Variants in IL1RAPL2 observed in about 807,000 individuals in gnomAD.
IL1RAPL2 encodes the protein interleukin 1 receptor accessory protein like 2.
IL1RAPL2 carries 3 observed loss-of-function variants against 44.1 expected under a neutral mutation model. The ratio of observed to expected loss-of-function variants is 0.07; its 90% confidence interval spans 0.03 to 0.18. The LOEUF (loss-of-function observed/expected upper bound fraction) is 0.18. Among genes scored for constraint, IL1RAPL2 ranks in the 10% least tolerant of loss-of-function variants. The pLI is 1.00. For missense variants in IL1RAPL2, 391 were observed against 496.4 expected (o/e 0.79, Z 2.02); for synonymous variants, 181 against 178.8 (o/e 1.01, Z -0.10).
At chrX:104,657,721 T>C (rs1023229726) in intron 1 of IL1RAPL2, among the ~76,000 whole-genome samples, 1 of 111,217 alleles carries the variant, frequency 9.0e-6, no homozygotes, top group African/African-American at 3.3e-5. Flanking sequence ...GTAATCTACC[T>C]GTTTAACAAA....
intron 6 of IL1RAPL2, among the ~76,000 whole-genome samples, chrX:105,609,975 C>A (rs1248427150): frequency 8.9e-6 from 1 of 111,997 alleles, no homozygotes; most frequent in African/African-American, 3.2e-5. Flanking sequence ...TTGATAGATT[C>A]ATTCCATCTA....
At chrX:105,608,317 A>C (rs1162827640) in intron 6 of IL1RAPL2, among the ~76,000 whole-genome samples, 3 of 111,408 alleles carry the variant, frequency 2.7e-5, no homozygotes, top group Non-Finnish European at 5.7e-5. Context: ...AAAATGTCAA[A>C]TAAAGATTTT....
At chrX:105,665,753 T>TTTTTTTG (rs2037759802) in intron 6 of IL1RAPL2, among the ~76,000 whole-genome samples, 3 of 69,309 alleles carry the variant, frequency 4.3e-5, no homozygotes, top group Non-Finnish European at 8.3e-5. Flanking sequence ...TTTTTTTTTT[T>TTTTTTTG]TTGTTGTTGT....
chrX:105,647,069 T>C (rs1280264694), intron 6 of IL1RAPL2, among the ~76,000 whole-genome samples: 1 of 112,163 alleles, frequency 8.9e-6, no homozygotes, highest in Non-Finnish European at 1.9e-5. Flanking sequence ...GGAAGAGAAC[T>C]GTGGAACCCA....
At chrX:104,906,129 G>T (rs1420328429) in intron 2 of IL1RAPL2, among the ~76,000 whole-genome samples, 1 of 110,134 alleles carries the variant, frequency 9.1e-6, no homozygotes, top group African/African-American at 3.3e-5. Flanking sequence ...GTATAAGAAT[G>T]CTTGTGATTT....
intron 6 of IL1RAPL2, among the ~76,000 whole-genome samples, chrX:105,612,108 G>A (rs1689000700): frequency 9.0e-6 from 1 of 110,723 alleles, no homozygotes; most frequent in South Asian, 3.8e-4. Context: ...TTGTTTGTTT[G>A]TTTGTTTTTT....
At chrX:105,611,647 A>G (rs1247220878) in intron 6 of IL1RAPL2, among the ~76,000 whole-genome samples, 1 of 112,044 alleles carries the variant, frequency 8.9e-6, no homozygotes, top group Non-Finnish European at 1.9e-5. Flanking sequence ...AGTCTATACA[A>G]TCTAGGTGTG....
chrX:104,909,314 T>G (rs1420820934), intron 2 of IL1RAPL2, among the ~76,000 whole-genome samples: 1 of 111,993 alleles, frequency 8.9e-6, no homozygotes, highest in Non-Finnish European at 1.9e-5. Context: ...TCAGAGTAAT[T>G]TGATCGTCTG....
At chrX:105,174,774 G>A (rs1387115404) in intron 2 of IL1RAPL2, among the ~76,000 whole-genome samples, 2 of 111,421 alleles carry the variant, frequency 1.8e-5, no homozygotes, top group Non-Finnish European at 3.8e-5. Context: ...GCTGAGTCCC[G>A]AACATCAGCA....
At chrX:105,761,868 T>C (rs1433316150) in intron 10 of IL1RAPL2, among the ~76,000 whole-genome samples, 1 of 112,306 alleles carries the variant, frequency 8.9e-6, no homozygotes, top group African/African-American at 3.2e-5. Flanking sequence ...ACCTTGACAT[T>C]AGTGGAGGTG....
At chrX:105,399,661 T>G (rs771827844) in intron 5 of IL1RAPL2, among the ~76,000 whole-genome samples, 2 of 111,714 alleles carry the variant, frequency 1.8e-5, no homozygotes, top group Non-Finnish European at 3.8e-5. Flanking sequence ...TTTGCCAGTC[T>G]ACTTTTAAGG....
intron 2 of IL1RAPL2, among the ~76,000 whole-genome samples, chrX:105,034,826 C>T (rs1372473490): frequency 1.2e-3 from 132 of 112,438 alleles, no homozygotes; most frequent in Admixed American, 2.9e-3. Context: ...TTTGTCTGTG[C>T]CCTGCCCCCA....
At chrX:105,091,646 G>C (rs1176961539) in intron 2 of IL1RAPL2, among the ~76,000 whole-genome samples, 1 of 111,761 alleles carries the variant, frequency 8.9e-6, no homozygotes, top group Admixed American at 9.5e-5. Context: ...CACTTATTAT[G>C]TTAACCATAT....
intron 2 of IL1RAPL2, among the ~76,000 whole-genome samples, chrX:104,929,496 G>C (rs1288534004): frequency 1.8e-5 from 2 of 111,620 alleles, no homozygotes; most frequent in African/African-American, 3.3e-5. Context: ...CTCAGTTCCA[G>C]AATTCCACTG....
At chrX:104,802,128 T>C (rs909419016) in intron 2 of IL1RAPL2, among the ~76,000 whole-genome samples, 1 of 110,671 alleles carries the variant, frequency 9.0e-6, no homozygotes, top group Non-Finnish European at 1.9e-5. Flanking sequence ...GCGGATCACC[T>C]GAGGTCAGGA....
chrX:105,091,588 A>G (rs1435799500), intron 2 of IL1RAPL2, among the ~76,000 whole-genome samples: 3 of 112,132 alleles, frequency 2.7e-5, no homozygotes, highest in Non-Finnish European at 5.6e-5. Flanking sequence ...ATGGTGTATT[A>G]GAAAGAACAC....
chrX:105,319,519 G>T (rs757907146), intron 5 of IL1RAPL2, among the ~76,000 whole-genome samples: 8 of 111,815 alleles, frequency 7.2e-5, no homozygotes, highest in Non-Finnish European at 1.1e-4. Context: ...GTTCCTGAAA[G>T]AAGCAAGATG....
intron 5 of IL1RAPL2, among the ~76,000 whole-genome samples, chrX:105,318,003 C>T (rs1445915405): frequency 9.4e-6 from 1 of 106,130 alleles, no homozygotes; most frequent in South Asian, 4.3e-4. Context: ...GACGAAGTCT[C>T]GCTCTGTCGC....
chrX:105,590,885 G>GTA (rs1491007516), intron 6 of IL1RAPL2, among the ~76,000 whole-genome samples: 2 of 107,318 alleles, frequency 1.9e-5, no homozygotes, highest in Admixed American at 1.0e-4. Flanking sequence ...GTGTGTGTGT[G>GTA]TATCTCTGCT....
Sources: gnomAD v4.1 joint callset for allele counts (sites outside exome capture counted in the v4.1 genomes callset) on GRCh38, gnomAD v4.1.1 for gene constraint, MANE v1.5 for transcripts, NCBI Gene and HGNC (gene_info 2026-07-23, HGNC 2026-07-21) for gene names.